The following MAIP1 variants were observed in gnomAD, a reference collection of about 807,000 sequenced individuals.
MAIP1 encodes the protein m-AAA protease-interacting protein 1, mitochondrial.
Under a neutral mutation model 31.2 loss-of-function variants are expected in MAIP1, and 28 were observed. The observed-to-expected ratio is 0.90, with a 90% CI of 0.67 to 1.23. The LOEUF is 1.23. Among genes scored for constraint, MAIP1 ranks in the 50% most tolerant of loss-of-function variants. MAIP1 has a pLI of 0.00. For synonymous variants in MAIP1, 142 were observed against 142.3 expected, an observed-to-expected ratio of 1.00 and a Z score of 0.02; for missense variants, 339 against 356.0, an observed-to-expected ratio of 0.95 and a Z score of 0.38.
chr2:199,959,938 T>C (rs766748893), intron 3 of MAIP1, 58 bp downstream of exon 3: 1 of 1,496,448 alleles, frequency 6.7e-7, no homozygotes, highest in Non-Finnish European at 9.1e-7. Context: ...TAAGCTAAAC[T>C]AGTGGATAAT....
chr2:199,958,755 C>T (rs551438522), intron 1 of MAIP1, among the ~76,000 whole-genome samples: 1 of 152,310 alleles, frequency 6.6e-6, no homozygotes, highest in African/African-American at 2.4e-5. Context: ...GAATTTCATA[C>T]TTCAAAGTTA....
intron 3 of MAIP1, among the ~76,000 whole-genome samples, chr2:199,960,330 T>C (rs1336856280): frequency 1.3e-5 from 2 of 152,190 alleles, no homozygotes; most frequent in Non-Finnish European, 2.9e-5. Context: ...AAATTGGATC[T>C]ATTTGAGAAT....
chr2:199,955,896 G>T lies in MAIP1; in HGVS notation c.98G>T (p.Arg33Met). The change falls in exon 1 of 5, where the codon AGG becomes ATG. Residue 33 changes from arginine to methionine, a missense_variant. Coordinates refer to ENST00000392290, the MANE Select transcript of MAIP1 (RefSeq NM_001394955.1). ...RLRTPAVAEV[R>M]LPSATLCYFC... is the part of the protein sequence containing the mutation. ...CGGACTCCTGCTGTGGCCGAGGTGAGGCTGCCGTCGGCCACACTTTGCTAC... is the reference window on the plus strand; with the variant it reads ...CGGACTCCTGCTGTGGCCGAGGTGATGCTGCCGTCGGCCACACTTTGCTAC... The T allele has an allele frequency of 6.4e-7, 1 of 1,571,526 alleles. No homozygotes were observed. Among genetic ancestry groups the T allele is most frequent in the African/African-American group, 1.3e-5 (1 of 74,094 alleles).
intron 4 of MAIP1, among the ~76,000 whole-genome samples, chr2:199,963,309 T>G (rs2077645923): frequency 2.0e-5 from 3 of 152,170 alleles, no homozygotes; most frequent in African/African-American, 7.2e-5. Flanking sequence ...AACAGTGCTA[T>G]TTGAAAAATA....
chr2:199,955,607 C>T lies in MAIP1; in HGVS notation c.-192C>T, dbSNP rs1365125700. The T allele has an allele frequency of 6.2e-6, 8 of 1,281,692 alleles. No individual in the cohort carries two copies. The East Asian group carries it at 1.0e-4, about 16-fold the overall frequency. 79.4% of individuals were successfully genotyped at this position (1,281,692 alleles called of 1,614,324 possible). Reference sequence around the variant, plus strand: ...AGACTCCAGAGTGGCTGGGTCCGAGCGCGGGGCGGGTTGCCGAAGGGCCTC... The same window carrying T: ...AGACTCCAGAGTGGCTGGGTCCGAGTGCGGGGCGGGTTGCCGAAGGGCCTC... On this transcript the variant is annotated 5_prime_UTR_variant, in exon 1 of 5. Coordinates refer to ENST00000392290, the MANE Select transcript of MAIP1 (RefSeq NM_001394955.1).
intron 1 of MAIP1, among the ~76,000 whole-genome samples, chr2:199,958,746 A>G (rs191203507): frequency 3.3e-5 from 5 of 152,304 alleles, no homozygotes; most frequent in Admixed American, 2.0e-4. Flanking sequence ...TTGAAAATGG[A>G]ATTTCATACT....
intron 1 of MAIP1, among the ~76,000 whole-genome samples, chr2:199,957,986 T>C (rs1209120846): frequency 1.3e-5 from 2 of 152,234 alleles, no homozygotes; most frequent in Non-Finnish European, 2.9e-5. Context: ...TGCAGCATTT[T>C]TGGGGTCACT....
At chr2:199,958,877 A>G (rs556031970) in intron 1 of MAIP1, among the ~76,000 whole-genome samples, 21 of 152,312 alleles carry the variant, frequency 1.4e-4, no homozygotes, top group African/African-American at 4.8e-4. Context: ...CAGACTCCCA[A>G]TGCAGTCTCG....
upstream of MAIP1, chr2:199,955,561 G>A (rs1574817065): frequency 6.7e-6 from 10 of 1,498,638 alleles, no homozygotes; most frequent in East Asian, 2.0e-4. Flanking sequence ...GAGCGACAGA[G>A]AAAAGGTCCG....
chr2:199,955,393 C>T (rs765483669), upstream of MAIP1: 3 of 1,613,550 alleles, frequency 1.9e-6, no homozygotes, highest in South Asian at 2.2e-5. Context: ...AGGGCCTCAC[C>T]TGTGGGTAGA....
At chr2:199,955,434 C>T, upstream of MAIP1, 8 of 1,613,982 alleles carry the variant, frequency 5.0e-6, no homozygotes, top group Non-Finnish European at 5.9e-6. Context: ...CGAGAAACGC[C>T]CTCCAGCCGG....
upstream of MAIP1, chr2:199,955,323 C>A: frequency 6.4e-7 from 1 of 1,551,252 alleles, no homozygotes; most frequent in East Asian, 2.4e-5. Flanking sequence ...AACCAGTTCC[C>A]AGCTGTCCGA....
intron 3 of MAIP1, 100 bp downstream of exon 3, chr2:199,959,980 A>G: frequency 1.8e-6 from 2 of 1,136,812 alleles, no homozygotes; most frequent in East Asian, 2.4e-5. Context: ...CAGGACAAGT[A>G]TTTATAGAAC....
chr2:199,961,637 T>C (rs111785082), intron 3 of MAIP1, 144 bp from the exon 4 acceptor site: 6,607 of 619,604 alleles, frequency 0.011, 65 homozygotes, highest in African/African-American at 0.037. Flanking sequence ...TCAATACAAG[T>C]ATTTTAAGTC....
chr2:199,959,817 G>GCTAA lies in MAIP1; in HGVS notation c.588_591dup (p.Ile198Ter). ...TGACAACCATAAAAATGCCCTTGCT[G>GCTAA]CTAACATAGATGAAATTGTATTTAC... is the stretch of plus-strand genomic sequence containing the variant. On this transcript the variant is annotated frameshift_variant, in exon 3 of 5. Coordinates refer to ENST00000392290, the MANE Select transcript of MAIP1 (RefSeq NM_001394955.1). LOFTEE classifies it high-confidence loss of function. The GCTAA allele has an allele frequency of 6.2e-7, 1 of 1,611,896 alleles. No individual in the cohort carries two copies. Among genetic ancestry groups the GCTAA allele is most frequent in the Non-Finnish European group, 8.5e-7 (1 of 1,178,558 alleles).
intron 3 of MAIP1, 29 bp from the exon 4 acceptor site, chr2:199,961,752 C>A: frequency 1.3e-6 from 2 of 1,578,500 alleles, no homozygotes; most frequent in Non-Finnish European, 1.7e-6. Flanking sequence ...GATTTGTATT[C>A]GTATGTGTGT....
At chr2:199,961,712 A>G in intron 3 of MAIP1, 69 bp from the exon 4 acceptor site, 2 of 1,433,564 alleles carry the variant, frequency 1.4e-6, no homozygotes, top group Non-Finnish European at 1.9e-6. Context: ...TTCTGATTTC[A>G]TTTTGTTTAT....
chr2:199,955,783 G>A lies in MAIP1; in HGVS notation c.-16G>A, dbSNP rs2077596719. The A allele has an allele frequency of 6.6e-7, 1 of 1,515,348 alleles. No homozygotes were observed. The highest frequency in any genetic ancestry group is 8.8e-7 in the Non-Finnish European group (1 of 1,134,182). The allele number at this position is 1,515,348 out of a possible 1,614,324, so 93.9% of individuals were successfully genotyped here. On this transcript the variant is annotated 5_prime_UTR_variant, in exon 1 of 5. In the 5' UTR this introduces an upstream ATG that the reference lacks. Coordinates refer to ENST00000392290, the MANE Select transcript of MAIP1 (RefSeq NM_001394955.1). ...CCATACAGCACCGGCAGGCACCGGTGTGAAGGGTCATAAAAATGGCGCTGG... is the reference window on the plus strand; with the variant it reads ...CCATACAGCACCGGCAGGCACCGGTATGAAGGGTCATAAAAATGGCGCTGG...
rs1452572669 is a variant in MAIP1 at position 199,955,845 on chromosome 2, C to G, written c.47C>G (p.Ser16Trp). The G allele has an allele frequency of 2.0e-6, 3 of 1,523,050 alleles. No homozygotes were observed. The highest frequency in any genetic ancestry group is 2.8e-5 in the African/African-American group (2 of 71,770). 94.3% of individuals were successfully genotyped at this position (1,523,050 alleles called of 1,614,324 possible). ...RLLPQFLHSRSLPCGAVRLRT... is the reference protein window; with the variant it reads ...RLLPQFLHSRWLPCGAVRLRT... ...CTACCCCAGTTCCTGCACTCTCGGT[C>G]GCTGCCCTGCGGGGCCGTCCGACTC... Residue 16 changes from serine (S) to tryptophan (W), a missense_variant, in exon 1 of 5, where the codon TCG becomes TGG. Physicochemically the swap from Ser to Trp is radical, Grantham distance 177. Transcript: ENST00000392290.
Sources: allele counts gnomAD v4.1 joint callset (sites outside exome capture counted in the v4.1 genomes callset), GRCh38; gene constraint gnomAD v4.1.1; transcripts MANE v1.5; gene names NCBI Gene and HGNC (gene_info 2026-07-23, HGNC 2026-07-21).